The following COL19A1 variants were observed in gnomAD, a reference collection of about 807,000 sequenced individuals.
COL19A1 encodes collagen type XIX alpha 1 chain.
A neutral mutation model predicts 190.2 loss-of-function variants in COL19A1; 159 were observed. The ratio of observed to expected loss-of-function variants is 0.84; its 90% CI spans 0.73 to 0.95. The LOEUF (loss-of-function observed/expected upper bound fraction) is 0.95. COL19A1 is among the 40% of genes least tolerant of loss of function. The pLI, the probability that COL19A1 is intolerant of heterozygous loss-of-function variation, is 0.00. For missense variants in COL19A1, 1,418 were observed against 1,431.9 expected, an observed-to-expected ratio of 0.99 and a Z score of 0.16; for synonymous variants, 509 against 458.9, an observed-to-expected ratio of 1.11 and a Z score of -1.39.
At chr6:69,939,751 A>G (rs1428872034) in intron 9 of COL19A1, among the ~76,000 whole-genome samples, 1 of 152,148 alleles carries the variant, frequency 6.6e-6, no homozygotes, top group Non-Finnish European at 1.5e-5. Flanking sequence ...GAAAGTGGAA[A>G]GATCTCTGAG....
At chr6:70,006,804 A>G (rs1777658619) in intron 11 of COL19A1, among the ~76,000 whole-genome samples, 1 of 152,128 alleles carries the variant, frequency 6.6e-6, no homozygotes, top group Admixed American at 6.5e-5. Context: ...TATCAATGAT[A>G]CAAGAAAATG....
chr6:70,002,688 T>G (rs1777337179), intron 11 of COL19A1, among the ~76,000 whole-genome samples: 1 of 151,338 alleles, frequency 6.6e-6, no homozygotes, highest in Non-Finnish European at 1.5e-5. Context: ...TGGTAGTTTG[T>G]ATTTCTGTGG....
intron 4 of COL19A1, among the ~76,000 whole-genome samples, chr6:69,924,380 G>A (rs1439743237): frequency 6.6e-6 from 1 of 151,500 alleles, no homozygotes; most frequent in African/African-American, 2.4e-5. Flanking sequence ...GTGATAGTTT[G>A]CTGAAAATGG....
chr6:69,920,657 T>A lies in COL19A1; in HGVS notation c.267-7252T>A, dbSNP rs1286001020. Among the ~76,000 whole-genome samples, 3 of 151,864 alleles carry A rather than the reference T, an allele frequency of 2.0e-5. 1 individual carries two copies. Among genetic ancestry groups the A allele is most frequent in the African/African-American group, 7.2e-5 (3 of 41,404 alleles). On this transcript the variant is annotated intron_variant, in intron 4 of 50. Coordinates refer to ENST00000620364, the MANE Select transcript of COL19A1 (RefSeq NM_001858.6). ...GATTTTATATTGAACATTTTGTTAA[T>A]CTGATATACTTGTGCCCTCATAGGC...
At chr6:70,068,750 T>G (rs558403903) in intron 15 of COL19A1, among the ~76,000 whole-genome samples, 1 of 152,098 alleles carries the variant, frequency 6.6e-6, no homozygotes, top group Non-Finnish European at 1.5e-5. Flanking sequence ...GTCATACTTT[T>G]AGTTTTTGAA....
intron 11 of COL19A1, among the ~76,000 whole-genome samples, chr6:70,020,579 T>A (rs527802055): frequency 6.6e-6 from 1 of 152,144 alleles, no homozygotes; most frequent in Non-Finnish European, 1.5e-5. Flanking sequence ...GGATTTTATA[T>A]CATAAATCTG....
At chr6:70,065,352 T>C (rs1781112436) in intron 14 of COL19A1, among the ~76,000 whole-genome samples, 1 of 152,122 alleles carries the variant, frequency 6.6e-6, no homozygotes, top group African/African-American at 2.4e-5. Flanking sequence ...AAACAAGAAA[T>C]GGGGAAAGGA....
intron 11 of COL19A1, among the ~76,000 whole-genome samples, chr6:69,994,936 C>T (rs1056851709): frequency 6.6e-6 from 1 of 152,160 alleles, no homozygotes; most frequent in African/African-American, 2.4e-5. Flanking sequence ...CACCTTAGGC[C>T]TGGCTTCACC....
chr6:69,921,329 CAT>C (rs1419918033), intron 4 of COL19A1, among the ~76,000 whole-genome samples: 3 of 125,614 alleles, frequency 2.4e-5, no homozygotes, highest in East Asian at 4.4e-4. Context: ...AATCATATAT[CAT>C]ATATCTATAT....
At chr6:69,902,540 G>T (rs1045166895) in intron 4 of COL19A1, among the ~76,000 whole-genome samples, 4 of 152,130 alleles carry the variant, frequency 2.6e-5, no homozygotes, top group African/African-American at 9.7e-5. Flanking sequence ...AGGGTAAATC[G>T]TGAGTCTCAG....
chr6:70,022,207 A>T (rs1778454083), intron 11 of COL19A1, among the ~76,000 whole-genome samples: 1 of 152,214 alleles, frequency 6.6e-6, no homozygotes, highest in African/African-American at 2.4e-5. Context: ...GAAGAGAATA[A>T]GGCAAAGATT....
chr6:70,145,308 A>T (rs1356228048), intron 25 of COL19A1, among the ~76,000 whole-genome samples: 1 of 152,196 alleles, frequency 6.6e-6, no homozygotes, highest in Non-Finnish European at 1.5e-5. Context: ...AGATAAAGAA[A>T]ATGTGATACA....
chr6:70,043,386 G>T (rs1779733800), intron 14 of COL19A1, among the ~76,000 whole-genome samples: 1 of 151,884 alleles, frequency 6.6e-6, no homozygotes, highest in Non-Finnish European at 1.5e-5. Context: ...TAGAGACAGG[G>T]TTTCACCATG....
rs989406008 is a variant in COL19A1 at position 70,210,384 on chromosome 6, A to G, written c.*3110A>G. On this transcript the variant is annotated 3_prime_UTR_variant, in exon 51 of 51. Transcript: ENST00000620364. ...ACTGAAGGCAGTAACCATTACTTCT[A>G]ACCGTAACACAAACACAGCAAGTTT... 6.6e-6 allele frequency among the ~76,000 whole-genome samples: 1 copy of G among 152,172 alleles called. No homozygotes were observed. The highest frequency in any genetic ancestry group is 2.4e-5 in the African/African-American group (1 of 41,452).
At chr6:70,091,921 T>G (rs996439476) in intron 15 of COL19A1, among the ~76,000 whole-genome samples, 3 of 152,140 alleles carry the variant, frequency 2.0e-5, no homozygotes, top group African/African-American at 7.2e-5. Flanking sequence ...CAGGTGACAT[T>G]GGATGTTAAG....
At chr6:70,028,458 G>T (rs1351360387) in intron 12 of COL19A1, among the ~76,000 whole-genome samples, 1 of 152,174 alleles carries the variant, frequency 6.6e-6, no homozygotes, top group Non-Finnish European at 1.5e-5. Context: ...CCAAGAGTCT[G>T]TCTGGGCATC....
At chr6:69,870,146 T>A (rs1277267721) in intron 1 of COL19A1, among the ~76,000 whole-genome samples, 1 of 152,238 alleles carries the variant, frequency 6.6e-6, no homozygotes, top group East Asian at 1.9e-4. Flanking sequence ...TTCCCAACCT[T>A]TGATTTGTTT....
At chr6:69,978,514 T>A (rs1045842483) in intron 11 of COL19A1, among the ~76,000 whole-genome samples, 7 of 151,838 alleles carry the variant, frequency 4.6e-5, no homozygotes, top group African/African-American at 1.7e-4. Flanking sequence ...AAAGAGTTAA[T>A]GAAAAGGAAA....
intron 11 of COL19A1, among the ~76,000 whole-genome samples, chr6:69,984,999 G>T (rs1776238167): frequency 6.6e-6 from 1 of 152,140 alleles, no homozygotes; most frequent in Non-Finnish European, 1.5e-5. Context: ...AACATTTGAA[G>T]AAAAAACATT....
Sources: gnomAD v4.1 joint callset for allele counts (sites outside exome capture counted in the v4.1 genomes callset) on GRCh38, gnomAD v4.1.1 for gene constraint, MANE v1.5 for transcripts, NCBI Gene and HGNC (gene_info 2026-07-23, HGNC 2026-07-21) for gene names.